ROBO1: variants seen among roughly 807,000 people sequenced by gnomAD.
ROBO1 encodes the protein roundabout homolog 1.
In ROBO1, 149 loss-of-function variants were observed where a neutral mutation model predicts 195.9. That is an observed-to-expected ratio of 0.76 (90% confidence interval 0.67 to 0.87). The LOEUF (loss-of-function observed/expected upper bound fraction) is 0.87, where lower values mean the gene tolerates loss of function less well. Among genes scored for constraint, ROBO1 ranks in the 40% least tolerant of loss-of-function variants. ROBO1 has a pLI of 0.00. For synonymous variants in ROBO1, 816 were observed against 733.2 expected (o/e 1.11, Z -1.82); for missense variants, 1,933 against 2,068.3 (o/e 0.93, Z 1.27).
At chr3:78,889,282 G>T (rs2036745003) in intron 4 of ROBO1, among the ~76,000 whole-genome samples, 1 of 152,194 alleles carries the variant, frequency 6.6e-6, no homozygotes, top group Non-Finnish European at 1.5e-5. Context: ...GGACAGCACA[G>T]TTTCTCACAT....
chr3:79,171,964 G>A lies in ROBO1; in HGVS notation c.89-46425C>T, dbSNP rs192845276. On this transcript the variant is annotated intron_variant, in intron 2 of 30. Coordinates refer to ENST00000464233, the MANE Select transcript of ROBO1 (RefSeq NM_002941.4). ...TCAAAACATTTACAACCATAAAACT[G>A]ATTATATGAATATATAAAATATAAC... Among the ~76,000 whole-genome samples the A allele has an allele frequency of 2.9e-3, 435 of 152,004 alleles. 2 individuals carry two copies. The highest frequency in any genetic ancestry group is 8.8e-3 in the Admixed American group (134 of 15,264).
At chr3:79,298,971 G>A (rs941520868) in intron 2 of ROBO1, among the ~76,000 whole-genome samples, 2 of 151,990 alleles carry the variant, frequency 1.3e-5, no homozygotes, top group East Asian at 1.9e-4. Context: ...TGGTTGCATA[G>A]GATATGAACA....
At chr3:79,065,951 G>A (rs969376506) in intron 3 of ROBO1, among the ~76,000 whole-genome samples, 1 of 151,886 alleles carries the variant, frequency 6.6e-6, no homozygotes, top group Non-Finnish European at 1.5e-5. Flanking sequence ...AGGAATTGAT[G>A]AATTTAGGCA....
At chr3:79,740,516 A>G (rs1318143721) in intron 1 of ROBO1, among the ~76,000 whole-genome samples, 1 of 152,220 alleles carries the variant, frequency 6.6e-6, no homozygotes, top group African/African-American at 2.4e-5. Flanking sequence ...GGCCTCAGGA[A>G]ACTTACAATC....
chr3:78,775,625 T>C (rs897762132), intron 4 of ROBO1, among the ~76,000 whole-genome samples: 1 of 152,216 alleles, frequency 6.6e-6, no homozygotes, highest in Admixed American at 6.5e-5. Flanking sequence ...TTTCTTCAAT[T>C]TGTTGAGCGA....
At position 78,631,167 on chromosome 3, in the gene ROBO1, T is replaced by G. The variant is rs369247892; in HGVS notation, c.3620A>C (p.Asp1207Ala). Residue 1207 changes from aspartate (D) to alanine (A), a missense_variant, in exon 25 of 31, where the codon GAT becomes GCT. Physicochemically the swap from Asp to Ala is moderately radical, Grantham distance 126. Coordinates refer to ENST00000464233, the MANE Select transcript of ROBO1 (RefSeq NM_002941.4). ...GTTTGGATGCTCCTCTTACCTTTCA[T>G]CTACAGAAATGTTGTACTCTTCGCT... is the stretch of plus-strand genomic sequence containing the variant. ...SNSEEYNISV[D>A]ESYDQEMPCP... is the part of the protein sequence containing the mutation. 2 of 1,610,938 alleles carry G rather than the reference T, an allele frequency of 1.2e-6. No homozygotes were observed. Among genetic ancestry groups the G allele is most frequent in the Non-Finnish European group, 1.7e-6 (2 of 1,178,430 alleles).
intron 10 of ROBO1, 24 bp from the exon 11 acceptor site, chr3:78,670,325 T>C: frequency 6.5e-7 from 1 of 1,546,216 alleles, no homozygotes; most frequent in Non-Finnish European, 8.8e-7. Context: ...CAACAGGAAA[T>C]AGATTTCTGC....
At chr3:79,063,749 A>G (rs577982597) in intron 3 of ROBO1, among the ~76,000 whole-genome samples, 1 of 152,024 alleles carries the variant, frequency 6.6e-6, no homozygotes, top group South Asian at 2.1e-4. Context: ...TAGTTATTAA[A>G]CTATTTGTAT....
At chr3:79,644,420 G>A (rs1560065304) in intron 1 of ROBO1, among the ~76,000 whole-genome samples, 1 of 152,146 alleles carries the variant, frequency 6.6e-6, no homozygotes, top group African/African-American at 2.4e-5. Flanking sequence ...AGGTTTAATT[G>A]TACTTACAGT....
chr3:79,570,561 CAA>C (rs1183556319), intron 2 of ROBO1, among the ~76,000 whole-genome samples: 4 of 151,838 alleles, frequency 2.6e-5, no homozygotes, highest in Admixed American at 6.6e-5. Flanking sequence ...AAATTTCATA[CAA>C]GTTAATTAAA....
At chr3:79,364,234 G>A (rs199943744) in intron 2 of ROBO1, among the ~76,000 whole-genome samples, 4 of 145,816 alleles carry the variant, frequency 2.7e-5, no homozygotes, top group Admixed American at 6.9e-5. Flanking sequence ...AAATGTGTGT[G>A]TGTATATATA....
chr3:78,761,330 T>C (rs1335747711), intron 4 of ROBO1, among the ~76,000 whole-genome samples: 5 of 152,162 alleles, frequency 3.3e-5, no homozygotes, highest in African/African-American at 1.2e-4. Context: ...CTTTTCTCCT[T>C]TAACAGGCCC....
chr3:79,391,275 A>T (rs1430252365), intron 2 of ROBO1, among the ~76,000 whole-genome samples: 1 of 152,192 alleles, frequency 6.6e-6, no homozygotes, highest in East Asian at 1.9e-4. Context: ...TCTGGGCAAC[A>T]GACTGAGACT....
chr3:79,438,995 T>C (rs1022463690), intron 2 of ROBO1, among the ~76,000 whole-genome samples: 1 of 152,038 alleles, frequency 6.6e-6, no homozygotes, highest in Admixed American at 6.6e-5. Context: ...CTTTGGGAGC[T>C]TAGAAACCTG....
intron 10 of ROBO1, among the ~76,000 whole-genome samples, chr3:78,677,913 C>T (rs1223575986): frequency 3.3e-5 from 5 of 151,670 alleles, no homozygotes; most frequent in South Asian, 4.2e-4. Flanking sequence ...AAATTGACCA[C>T]GTAGTTGGAA....
chr3:79,550,195 G>GAAAGGAAAGAAAGAAAA lies in ROBO1; in HGVS notation c.88+39628_88+39629insTTTTCTTTCTTTCCTTT. Among the ~76,000 whole-genome samples, 15 of 100,838 alleles carry GAAAGGAAAGAAAGAAAA rather than the reference G, an allele frequency of 1.5e-4. 1 individual carries two copies. Among genetic ancestry groups the GAAAGGAAAGAAAGAAAA allele is most frequent in the South Asian group, 6.7e-4 (2 of 2,992 alleles). The allele number at this position is 100,838 out of a possible 152,430, so 66.2% of individuals were successfully genotyped here. On this transcript the variant is annotated intron_variant, in intron 2 of 30. Coordinates refer to ENST00000464233, the MANE Select transcript of ROBO1 (RefSeq NM_002941.4). ...AGAAAGAAAGAAAGAAAGAAAGAAA[G>GAAAGGAAAGAAAGAAAA]GAAAAGAAAAGAAAAGAAAAGAAAA...
chr3:79,097,847 T>C (rs1307019626), intron 3 of ROBO1, among the ~76,000 whole-genome samples: 1 of 151,574 alleles, frequency 6.6e-6, no homozygotes, highest in Non-Finnish European at 1.5e-5. Flanking sequence ...ATAAATTACC[T>C]ACATGCAGTT....
At chr3:79,051,082 G>C (rs147654797) in intron 3 of ROBO1, among the ~76,000 whole-genome samples, 1 of 151,954 alleles carries the variant, frequency 6.6e-6, no homozygotes. Flanking sequence ...AGGAGATAGA[G>C]ACACAAAAAA....
intron 2 of ROBO1, among the ~76,000 whole-genome samples, chr3:79,467,264 G>T (rs914765318): frequency 3.3e-5 from 5 of 151,946 alleles, no homozygotes; most frequent in African/African-American, 4.8e-5. Context: ...GTTTACTTTG[G>T]CACCAGTGAT....
Sources: gnomAD v4.1 joint callset for allele counts (sites outside exome capture counted in the v4.1 genomes callset) on GRCh38, gnomAD v4.1.1 for gene constraint, MANE v1.5 for transcripts, NCBI Gene and HGNC (gene_info 2026-07-23, HGNC 2026-07-21) for gene names.